MYT1L: variants seen among roughly 807,000 people sequenced by gnomAD.
MYT1L encodes myelin transcription factor 1 like, also known as myelin transcription factor 1-like protein.
Under a neutral mutation model 126.7 loss-of-function variants are expected in MYT1L, and 12 were observed. The ratio of observed to expected loss-of-function variants is 0.09; its 90% confidence interval spans 0.06 to 0.15. The LOEUF (loss-of-function observed/expected upper bound fraction) is 0.15. Ranked by LOEUF, MYT1L falls within the 10% of genes least tolerant of loss-of-function variation. The probability of loss-of-function intolerance (pLI) is 1.00; values close to 1 mark genes in which losing one functional copy is unlikely to be tolerated. For synonymous variants in MYT1L, 541 were observed against 604.2 expected (o/e 0.90, Z 1.53); for missense variants, 979 against 1,585.2 (o/e 0.62, Z 6.49).
intron 3 of MYT1L, among the ~76,000 whole-genome samples, chr2:2,089,179 C>CT (rs2150370408): frequency 6.6e-6 from 1 of 152,284 alleles, no homozygotes; most frequent in South Asian, 2.1e-4. Context: ...AGGGTCAGGT[C>CT]TAAAGTAATT....
At chr2:2,318,740 C>T (rs1427886613) in intron 1 of MYT1L, among the ~76,000 whole-genome samples, 2 of 152,182 alleles carry the variant, frequency 1.3e-5, no homozygotes, top group Non-Finnish European at 2.9e-5. Context: ...TGAAATTTAT[C>T]TGAGCAAATT....
In MYT1L at chr2:2,269,667, C is replaced by T. The variant is rs189056293; in HGVS notation, c.-421+14737G>A. Among the ~76,000 whole-genome samples the T allele has an allele frequency of 3.1e-4, 47 of 152,178 alleles. 1 individual carries two copies. The Middle Eastern group carries it at 0.01, about 33-fold the overall frequency. Reference sequence around the variant, plus strand: ...GTGAGCCCAGTAATCTCCAGTAGCCCCTGGATTTGTGCTCCCCGGCAAGCC... The same window carrying T: ...GTGAGCCCAGTAATCTCCAGTAGCCTCTGGATTTGTGCTCCCCGGCAAGCC... On this transcript the variant is annotated intron_variant, in intron 2 of 24. Transcript: ENST00000647738.
chr2:1,911,914 G>T, intron 12 of MYT1L, 106 bp downstream of exon 12: 2 of 807,314 alleles, frequency 2.5e-6, no homozygotes, highest in Non-Finnish European at 3.7e-6. Flanking sequence ...CACTTGGGGA[G>T]CACGGTGGGG....
intron 2 of MYT1L, among the ~76,000 whole-genome samples, chr2:2,230,382 C>A (rs932610784): frequency 6.6e-6 from 1 of 152,194 alleles, no homozygotes; most frequent in African/African-American, 2.4e-5. Flanking sequence ...GAAAGTAATT[C>A]ATTAGGATGT....
intron 3 of MYT1L, among the ~76,000 whole-genome samples, chr2:2,115,090 C>T (rs1274311315): frequency 1.3e-5 from 2 of 152,250 alleles, no homozygotes; most frequent in African/African-American, 4.8e-5. Context: ...TTCCTCTTCC[C>T]CACAGTGAGT....
chr2:2,052,288 C>T (rs1256668402), intron 4 of MYT1L, among the ~76,000 whole-genome samples: 1 of 152,088 alleles, frequency 6.6e-6, no homozygotes, highest in Admixed American at 6.5e-5. Context: ...AAATTAACTC[C>T]AAATGGGTTA....
At chr2:2,130,836 T>C (rs1004306429) in intron 3 of MYT1L, among the ~76,000 whole-genome samples, 1 of 152,218 alleles carries the variant, frequency 6.6e-6, no homozygotes, top group African/African-American at 2.4e-5. Context: ...GTTTGCTTAG[T>C]TTATGACAAT....
At chr2:2,313,237 A>G (rs889532125) in intron 1 of MYT1L, among the ~76,000 whole-genome samples, 2 of 151,592 alleles carry the variant, frequency 1.3e-5, no homozygotes, top group African/African-American at 4.9e-5. Flanking sequence ...AATTCAGTAC[A>G]TTGCTTTCTG....
intron 3 of MYT1L, among the ~76,000 whole-genome samples, chr2:2,071,006 TGTTAATAATAGTGGGGAAAGAGGA>T (rs1275473556): frequency 6.6e-6 from 1 of 152,172 alleles, no homozygotes; most frequent in Middle Eastern, 3.2e-3. Context: ...CTAGTAGCTG[TGTTAATAATAGTGGGGAAAGAGGA>T]TATGGGGTGA....
chr2:1,931,336 T>C (rs113822352), intron 9 of MYT1L, among the ~76,000 whole-genome samples: 1,570 of 152,176 alleles, frequency 0.01, 12 homozygotes, highest in Non-Finnish European at 0.014. Flanking sequence ...CCCTCAGCGA[T>C]GCCCATGTCT....
rs572256953 is a variant in MYT1L, at chr2:1,922,194, T to C, written c.1483+92A>G. The C allele has an allele frequency of 2.7e-6, 4 of 1,484,202 alleles. No homozygotes were observed. Among genetic ancestry groups the C allele is most frequent in the Middle Eastern group, 4.2e-4 (2 of 4,720 alleles). The allele number at this position is 1,484,202 out of a possible 1,614,324, so 91.9% of individuals were successfully genotyped here. On this transcript the variant is annotated intron_variant, in intron 10 of 24. Coordinates refer to ENST00000647738, the MANE Select transcript of MYT1L (RefSeq NM_001303052.2). The surrounding 1 kb of genome is among the most constrained non-coding windows in gnomAD (Gnocchi z 7.4). ...AATGTGCAGTAGAGACATAATTCAG[T>C]GTGAGTCACACTTTAACTGTAGACT...
chr2:2,281,537 AG>A (rs1394111099), intron 2 of MYT1L, among the ~76,000 whole-genome samples: 1 of 152,256 alleles, frequency 6.6e-6, no homozygotes, highest in Non-Finnish European at 1.5e-5. Flanking sequence ...TCAACAACTG[AG>A]GCCAAAATGT....
At chr2:1,820,156 G>C (rs2038321485) in intron 21 of MYT1L, among the ~76,000 whole-genome samples, 1 of 152,178 alleles carries the variant, frequency 6.6e-6, no homozygotes, top group Non-Finnish European at 1.5e-5. Flanking sequence ...CTGGGGCTTG[G>C]TCACCCATTG....
At chr2:1,975,010 T>G (rs1402062188) in intron 8 of MYT1L, among the ~76,000 whole-genome samples, 3 of 152,204 alleles carry the variant, frequency 2.0e-5, no homozygotes, top group Admixed American at 6.5e-5. Context: ...GAACATCCAA[T>G]AAAATAAATA....
chr2:2,026,870 G>A (rs764209263), intron 4 of MYT1L, among the ~76,000 whole-genome samples: 3 of 152,126 alleles, frequency 2.0e-5, no homozygotes, highest in South Asian at 2.1e-4. Flanking sequence ...CCCTCTCCTC[G>A]GGAGTGGAAG....
At chr2:2,189,363 C>T (rs1041848683) in intron 2 of MYT1L, among the ~76,000 whole-genome samples, 1 of 152,196 alleles carries the variant, frequency 6.6e-6, no homozygotes. Flanking sequence ...ACTACATCAT[C>T]TGTGGGGTTG....
chr2:1,900,029 T>A (rs2050128151), intron 14 of MYT1L, among the ~76,000 whole-genome samples: 1 of 152,210 alleles, frequency 6.6e-6, no homozygotes, highest in Non-Finnish European at 1.5e-5. Context: ...TCATTCTGTA[T>A]CTCCATGGCC....
At chr2:2,009,094 T>C (rs1032531265) in intron 4 of MYT1L, among the ~76,000 whole-genome samples, 2 of 152,130 alleles carry the variant, frequency 1.3e-5, no homozygotes, top group Non-Finnish European at 2.9e-5. Flanking sequence ...AGCTTTGTAA[T>C]ATAATTTTAA....
At chr2:2,055,530 T>C (rs1187728370) in intron 3 of MYT1L, among the ~76,000 whole-genome samples, 1 of 152,256 alleles carries the variant, frequency 6.6e-6, no homozygotes, top group Non-Finnish European at 1.5e-5. Context: ...CATTCTGAGC[T>C]ATTACTTACT....
Sources: gnomAD v4.1 joint callset for allele counts (sites outside exome capture counted in the v4.1 genomes callset) on GRCh38, gnomAD v4.1.1 for gene constraint, Gnocchi (gnomAD v3.1) non-coding constraint, MANE v1.5 for transcripts, NCBI Gene and HGNC (gene_info 2026-07-23, HGNC 2026-07-21) for gene names.